RGS6: variants seen among roughly 807,000 people sequenced by gnomAD.
RGS6 encodes the protein regulator of G protein signaling 6.
In RGS6, 30 loss-of-function variants were observed where a neutral mutation model predicts 78.5. The ratio of observed to expected loss-of-function variants is 0.38; its 90% CI spans 0.29 to 0.52. The LOEUF is 0.52. Ranked by LOEUF, RGS6 falls within the 20% of genes least tolerant of loss-of-function variation. RGS6 has a pLI of 0.85. For missense variants in RGS6, 495 were observed against 609.7 expected, an observed-to-expected ratio of 0.81 and a Z score of 1.98; for synonymous variants, 206 against 206.0, an observed-to-expected ratio of 1.00 and a Z score of 0.00.
intron 2 of RGS6, among the ~76,000 whole-genome samples, chr14:72,277,317 G>C (rs1191964267): frequency 6.6e-6 from 1 of 152,222 alleles, no homozygotes; most frequent in Non-Finnish European, 1.5e-5. Flanking sequence ...ATCTCTACTA[G>C]CCGGGTGCGG....
chr14:72,297,419 T>C (rs1287942080), intron 2 of RGS6, among the ~76,000 whole-genome samples: 1 of 143,504 alleles, frequency 7.0e-6, no homozygotes, highest in Non-Finnish European at 1.5e-5. Flanking sequence ...TATATATTAT[T>C]ATTATTATTA....
At chr14:72,188,566 C>G (rs999129376) in intron 2 of RGS6, among the ~76,000 whole-genome samples, 10 of 152,122 alleles carry the variant, frequency 6.6e-5, no homozygotes, top group Admixed American at 5.2e-4. Flanking sequence ...CTCAACAACT[C>G]TCTTCATTTT....
In RGS6 at chr14:72,267,328, C is replaced by T. The variant is rs116867634; in HGVS notation, c.85-84767C>T. On this transcript the variant is annotated intron_variant, in intron 2 of 17. Coordinates refer to ENST00000553525, the MANE Select transcript of RGS6 (RefSeq NM_001204424.2). ...TCATGATACATAAAAATTATAATGA[C>T]ATGCAAATTTCAGTGTCCATAAATA... Among the ~76,000 whole-genome samples, 368 of 145,736 alleles carry T rather than the reference C, an allele frequency of 2.5e-3. 2 individuals carry two copies. Among genetic ancestry groups the T allele is most frequent in the Middle Eastern group, 0.011 (3 of 284 alleles).
chr14:72,587,570 C>A, the RGS6 span, among the ~76,000 whole-genome samples: 1 of 152,072 alleles, frequency 6.6e-6, no homozygotes, highest in Admixed American at 6.5e-5. Flanking sequence ...AATTAATATA[C>A]CCACTTACAA....
chr14:72,512,621 G>A (rs892842846), intron 14 of RGS6, among the ~76,000 whole-genome samples: 10 of 152,198 alleles, frequency 6.6e-5, no homozygotes, highest in Admixed American at 5.2e-4. Context: ...TGACAGGAAA[G>A]GAAATAGAAT....
At chr14:72,055,383 G>GA (rs1216877861) in intron 2 of RGS6, among the ~76,000 whole-genome samples, 1 of 151,708 alleles carries the variant, frequency 6.6e-6, no homozygotes, top group African/African-American at 2.4e-5. Flanking sequence ...TATCCCTTAG[G>GA]AAAAAAGGTA....
rs140413326 is a variant in RGS6 at position 72,021,119 on chromosome 14, C to T, written c.84+56244C>T. On this transcript the variant is annotated intron_variant, in intron 2 of 17. Coordinates refer to ENST00000553525, the MANE Select transcript of RGS6 (RefSeq NM_001204424.2). The stretch of plus-strand genomic sequence containing the variant: ...GAGCCATTTTCTCCCAGAGCCCAGG[C>T]TCTAGGTCTGAACCCTGATCCTTCT... Among the ~76,000 whole-genome samples the T allele has an allele frequency of 3.5e-4, 54 of 152,352 alleles. No individual in the cohort carries two copies. The East Asian group carries it at 0.01, about 29-fold the overall frequency.
chr14:72,332,277 C>T lies in RGS6; in HGVS notation c.85-19818C>T, dbSNP rs746797705. ...GTTTTGCAGAGTCCTGAACGCTTTGCCAAAAAAGAGCGTTGGCCATCTTCC... is the reference window on the plus strand; with the variant it reads ...GTTTTGCAGAGTCCTGAACGCTTTGTCAAAAAAGAGCGTTGGCCATCTTCC... On this transcript the variant is annotated intron_variant, in intron 2 of 17. Coordinates refer to ENST00000553525, the MANE Select transcript of RGS6 (RefSeq NM_001204424.2). 1.6e-3 allele frequency among the ~76,000 whole-genome samples: 244 copies of T among 152,262 alleles called. 2 individuals are homozygous for T. Among genetic ancestry groups the T allele is most frequent in the Non-Finnish European group, 1.5e-3 (101 of 68,020 alleles).
At chr14:71,915,985 G>C in the RGS6 span, among the ~76,000 whole-genome samples, 1 of 152,192 alleles carries the variant, frequency 6.6e-6, no homozygotes, top group Admixed American at 6.5e-5. Flanking sequence ...GAAGCCTCAA[G>C]AGAAACCAAC....
intron 2 of RGS6, among the ~76,000 whole-genome samples, chr14:72,218,459 TATTAATATTAA>T (rs1032875209): frequency 2.6e-4 from 40 of 152,242 alleles, no homozygotes; most frequent in Admixed American, 2.2e-3. Flanking sequence ...TGTATCAGTA[TATTAATATTAA>T]ATTAATATGT....
chr14:72,492,126 A>T (rs2096586304), intron 12 of RGS6, among the ~76,000 whole-genome samples: 1 of 152,212 alleles, frequency 6.6e-6, no homozygotes, highest in African/African-American at 2.4e-5. Context: ...TACCATAAGG[A>T]TTACGGCCAA....
the RGS6 span, among the ~76,000 whole-genome samples, chr14:71,913,611 G>T: frequency 6.6e-6 from 1 of 152,242 alleles, no homozygotes; most frequent in East Asian, 1.9e-4. Flanking sequence ...GGATGGACAT[G>T]CAACCCACTC....
intron 6 of RGS6, among the ~76,000 whole-genome samples, chr14:72,462,465 G>C (rs8020145): frequency 3.3e-5 from 5 of 152,276 alleles, no homozygotes. Flanking sequence ...TCTATAAGAT[G>C]GGGGTAATAA....
Position 72,453,969 on chromosome 14 carries a change from A to G in RGS6, c.185-559A>G, listed in dbSNP as rs111382978. On this transcript the variant is annotated intron_variant, in intron 3 of 17. Transcript: ENST00000553525. ...TTTCTACCCATATTCTATTGGCAGAACTCAGTCCATATCTAAGTGCAGGGG... is the reference window on the plus strand; with the variant it reads ...TTTCTACCCATATTCTATTGGCAGAGCTCAGTCCATATCTAAGTGCAGGGG... 3.2e-3 allele frequency among the ~76,000 whole-genome samples: 484 copies of G among 152,318 alleles called. 1 individual carries two copies. Among genetic ancestry groups the G allele is most frequent in the African/African-American group, 0.011 (463 of 41,564 alleles).
intron 2 of RGS6, among the ~76,000 whole-genome samples, chr14:72,291,191 C>T (rs2063513343): frequency 6.6e-6 from 1 of 151,950 alleles, no homozygotes; most frequent in Non-Finnish European, 1.5e-5. Flanking sequence ...CCTTGGTGAC[C>T]TCTCTGCGTC....
chr14:72,006,423 A>G (rs1310291337), intron 2 of RGS6, among the ~76,000 whole-genome samples: 1 of 152,212 alleles, frequency 6.6e-6, no homozygotes, highest in Non-Finnish European at 1.5e-5. Context: ...AGGTTTTGAA[A>G]GACAGAGGTT....
At chr14:71,979,643 T>A (rs200541031) in intron 2 of RGS6, among the ~76,000 whole-genome samples, 1 of 151,594 alleles carries the variant, frequency 6.6e-6, no homozygotes, top group Non-Finnish European at 1.5e-5. Flanking sequence ...TTGTTATAAT[T>A]TCTGTTCTTT....
intron 2 of RGS6, among the ~76,000 whole-genome samples, chr14:71,965,124 A>C (rs1167965318): frequency 6.6e-6 from 1 of 152,240 alleles, no homozygotes; most frequent in Admixed American, 6.5e-5. Context: ...TAAGCAATGC[A>C]GATGGGAAGA....
the RGS6 span, among the ~76,000 whole-genome samples, chr14:71,875,623 G>A: frequency 1.3e-5 from 2 of 152,058 alleles, no homozygotes; most frequent in Non-Finnish European, 2.9e-5. Flanking sequence ...TTTTTGAAGG[G>A]TTTTTTGTGT....
Sources: gnomAD v4.1 joint callset for allele counts (sites outside exome capture counted in the v4.1 genomes callset) on GRCh38, gnomAD v4.1.1 for gene constraint, MANE v1.5 for transcripts, NCBI Gene and HGNC (gene_info 2026-07-23, HGNC 2026-07-21) for gene names.